Variants in CDH13 observed in about 807,000 individuals in gnomAD.
CDH13 encodes the protein cadherin 13.
In CDH13, 24 loss-of-function variants were observed where a neutral mutation model predicts 63.8. That is an observed-to-expected ratio of 0.38 (90% confidence interval 0.27 to 0.53). The LOEUF (loss-of-function observed/expected upper bound fraction) is 0.53. CDH13 is among the 20% of genes least tolerant of loss of function. CDH13 has a pLI of 0.85. For synonymous variants in CDH13, 503 were observed against 355.3 expected, an observed-to-expected ratio of 1.42 and a Z score of -4.67; for missense variants, 1,049 against 903.1, an observed-to-expected ratio of 1.16 and a Z score of -2.07.
At chr16:82,904,422 C>T (rs188350201) in intron 2 of CDH13, among the ~76,000 whole-genome samples, 165 of 152,294 alleles carry the variant, frequency 1.1e-3, no homozygotes, top group South Asian at 4.4e-3. Context: ...GTTGAGTTTT[C>T]TCCAAGACAC....
At chr16:83,321,117 C>A (rs1039229662) in intron 5 of CDH13, among the ~76,000 whole-genome samples, 7 of 152,148 alleles carry the variant, frequency 4.6e-5, no homozygotes, top group Admixed American at 3.9e-4. Context: ...ATTAAGGGGG[C>A]CTTCCTGATG....
At chr16:82,820,111 T>C (rs1297362589) in intron 1 of CDH13, among the ~76,000 whole-genome samples, 1 of 152,172 alleles carries the variant, frequency 6.6e-6, no homozygotes, top group Non-Finnish European at 1.5e-5. Flanking sequence ...CCTTCATCTT[T>C]AAAACAGGGA....
At chr16:82,980,597 C>G (rs1270815608) in intron 2 of CDH13, among the ~76,000 whole-genome samples, 4 of 152,190 alleles carry the variant, frequency 2.6e-5, no homozygotes, top group Non-Finnish European at 5.9e-5. Flanking sequence ...ACATCTCTTT[C>G]AATCCTCCCA....
intron 7 of CDH13, among the ~76,000 whole-genome samples, chr16:83,570,972 A>ATATATATATAT (rs57638289): frequency 0.053 from 5,679 of 107,160 alleles, 238 homozygotes; most frequent in East Asian, 0.087. Flanking sequence ...TATATATATA[A>ATATATATATAT]AAACCTTCTG....
intron 9 of CDH13, among the ~76,000 whole-genome samples, chr16:83,672,550 G>A (rs930836803): frequency 1.1e-4 from 16 of 146,664 alleles, no homozygotes; most frequent in South Asian, 4.5e-4. Context: ...TCAGTCTCCC[G>A]AGTAGCTGGG....
intron 3 of CDH13, among the ~76,000 whole-genome samples, chr16:83,102,172 C>G (rs747897322): frequency 6.6e-6 from 1 of 152,156 alleles, no homozygotes; most frequent in Admixed American, 6.5e-5. Flanking sequence ...GCAAGGATAC[C>G]TTCTGGTGTA....
chr16:83,563,950 C>G (rs575815793), intron 7 of CDH13, among the ~76,000 whole-genome samples: 1 of 152,216 alleles, frequency 6.6e-6, no homozygotes, highest in Non-Finnish European at 1.5e-5. Flanking sequence ...ATCTCAGTCT[C>G]TTGTGTCTTC....
At chr16:82,912,441 C>T (rs151298838) in intron 2 of CDH13, among the ~76,000 whole-genome samples, 10 of 152,306 alleles carry the variant, frequency 6.6e-5, no homozygotes, top group East Asian at 1.9e-4. Context: ...GCAAACAGGC[C>T]GGCCCTTCCC....
intron 3 of CDH13, among the ~76,000 whole-genome samples, chr16:83,089,122 G>A (rs78869588): frequency 0.035 from 5,364 of 152,192 alleles, 308 homozygotes; most frequent in African/African-American, 0.12. Flanking sequence ...AGATATAAGC[G>A]TATATTTTGT....
chr16:83,307,996 T>C (rs2089917970), intron 5 of CDH13, among the ~76,000 whole-genome samples: 1 of 152,210 alleles, frequency 6.6e-6, no homozygotes, highest in Non-Finnish European at 1.5e-5. Flanking sequence ...AATTTGCATT[T>C]TTAAATGGTT....
At chr16:82,865,766 G>A (rs2040111766) in intron 2 of CDH13, among the ~76,000 whole-genome samples, 1 of 152,092 alleles carries the variant, frequency 6.6e-6, no homozygotes, top group Non-Finnish European at 1.5e-5. Context: ...TTTTATTTCT[G>A]CAAATTTCTG....
intron 7 of CDH13, among the ~76,000 whole-genome samples, chr16:83,588,109 G>A (rs996523957): frequency 6.6e-6 from 1 of 152,204 alleles, no homozygotes; most frequent in African/African-American, 2.4e-5. Context: ...TCTGCCTCAA[G>A]GTGGAAAAGA....
At chr16:83,579,252 G>T (rs1006495483) in intron 7 of CDH13, among the ~76,000 whole-genome samples, 1 of 152,176 alleles carries the variant, frequency 6.6e-6, no homozygotes, top group Non-Finnish European at 1.5e-5. Flanking sequence ...ACCCCAGGGA[G>T]AGCCATCCTA....
At chr16:83,212,286 T>C (rs1471511308) in intron 4 of CDH13, among the ~76,000 whole-genome samples, 1 of 152,166 alleles carries the variant, frequency 6.6e-6, no homozygotes, top group Admixed American at 6.5e-5. Context: ...AGTTGGAATA[T>C]GCTGGGGTCC....
chr16:83,201,724 C>T (rs1196708057), intron 4 of CDH13, among the ~76,000 whole-genome samples: 9 of 150,524 alleles, frequency 6.0e-5, no homozygotes, highest in South Asian at 2.1e-4. Flanking sequence ...GGTGAAACCC[C>T]GTCTCTAATA....
intron 3 of CDH13, among the ~76,000 whole-genome samples, chr16:83,070,862 C>A (rs954131194): frequency 7.0e-6 from 1 of 143,628 alleles, no homozygotes; most frequent in African/African-American, 2.5e-5. Context: ...ACAGCCCCCC[C>A]CCCCCCAAAT....
chr16:83,216,782 T>C (rs1000139333), intron 4 of CDH13, among the ~76,000 whole-genome samples: 2 of 150,204 alleles, frequency 1.3e-5, no homozygotes, highest in Non-Finnish European at 3.0e-5. Flanking sequence ...ATTATATATA[T>C]AAGCCCCCTA....
At chr16:83,720,293 T>G (rs1909515998) in intron 10 of CDH13, among the ~76,000 whole-genome samples, 1 of 150,742 alleles carries the variant, frequency 6.6e-6, no homozygotes, top group East Asian at 1.9e-4. Flanking sequence ...ATGCAAGTAC[T>G]CATACATGCA....
chr16:83,440,872 G>A (rs549303625), intron 6 of CDH13, among the ~76,000 whole-genome samples: 2 of 151,898 alleles, frequency 1.3e-5, no homozygotes, highest in Admixed American at 6.6e-5. Context: ...TGTCCACTTG[G>A]AGTGTTTGCC....
Sources: allele counts gnomAD v4.1 joint callset (sites outside exome capture counted in the v4.1 genomes callset), GRCh38; gene constraint gnomAD v4.1.1; transcripts MANE v1.5; gene names NCBI Gene and HGNC (gene_info 2026-07-23, HGNC 2026-07-21).